FAM135B: variants seen among roughly 807,000 people sequenced by gnomAD.
The protein encoded by FAM135B is family with sequence similarity 135 member B, also known as protein FAM135B.
A neutral mutation model predicts 127.7 loss-of-function variants in FAM135B; 43 were observed. That is an observed-to-expected ratio of 0.34 (90% CI 0.26 to 0.43). FAM135B has a LOEUF of 0.43. FAM135B is among the 20% of genes least tolerant of loss of function. FAM135B has a pLI of 1.00. For synonymous variants in FAM135B, 670 were observed against 665.1 expected (o/e 1.01, Z -0.11); for missense variants, 1,558 against 1,725.6 (o/e 0.90, Z 1.72).
intron 1 of FAM135B, among the ~76,000 whole-genome samples, chr8:138,444,296 C>T (rs530570893): frequency 1.4e-4 from 21 of 152,156 alleles, no homozygotes; most frequent in African/African-American, 4.3e-4. Flanking sequence ...CTGCACCAAG[C>T]GGACCTAATA....
At chr8:138,319,561 A>T (rs1827314438) in intron 2 of FAM135B, among the ~76,000 whole-genome samples, 12 of 152,214 alleles carry the variant, frequency 7.9e-5, no homozygotes. Context: ...GAAAGAAGCT[A>T]GGATGTGGAA....
At chr8:138,461,645 C>CAG (rs1449493484) in intron 1 of FAM135B, among the ~76,000 whole-genome samples, 1 of 152,124 alleles carries the variant, frequency 6.6e-6, no homozygotes, top group African/African-American at 2.4e-5. Context: ...TAACCCTGAA[C>CAG]AGAACACTAT....
At chr8:138,265,579 A>T in intron 4 of FAM135B, 124 bp downstream of exon 4, 1 of 1,062,140 alleles carries the variant, frequency 9.4e-7, no homozygotes, top group Non-Finnish European at 1.4e-6. Context: ...CACTAAAAGC[A>T]CTAATCTCTG....
intron 1 of FAM135B, among the ~76,000 whole-genome samples, chr8:138,453,151 A>G (rs1220843995): frequency 6.6e-6 from 1 of 152,176 alleles, no homozygotes; most frequent in Non-Finnish European, 1.5e-5. Flanking sequence ...GAAAGATGCA[A>G]GTCTGTAAGA....
chr8:138,333,009 G>T (rs573333277), intron 2 of FAM135B, among the ~76,000 whole-genome samples: 2 of 150,944 alleles, frequency 1.3e-5, no homozygotes. Context: ...ACACACACAC[G>T]CTTGTATTTT....
At chr8:138,232,516 G>C (rs1037619881) in intron 7 of FAM135B, among the ~76,000 whole-genome samples, 4 of 152,162 alleles carry the variant, frequency 2.6e-5, no homozygotes, top group African/African-American at 9.6e-5. Flanking sequence ...TTGATGTAAT[G>C]CACCATTTAC....
At position 138,372,645 on chromosome 8, in the gene FAM135B, A is replaced by G. The variant is rs1831209025; in HGVS notation, c.-19-4643T>C. ...TACTGCAATAATTAAAACTATTAAC[A>G]TACATAAGGCACTCAGAATAGAGAC... On this transcript the variant is annotated intron_variant, in intron 1 of 19. Transcript: ENST00000395297. 1.3e-5 allele frequency among the ~76,000 whole-genome samples: 2 copies of G among 152,150 alleles called. 1 individual carries two copies. Among genetic ancestry groups the G allele is most frequent in the South Asian group, 4.1e-4 (2 of 4,822 alleles).
chr8:138,409,911 T>G (rs1333813492), intron 1 of FAM135B, among the ~76,000 whole-genome samples: 1 of 146,296 alleles, frequency 6.8e-6, no homozygotes, highest in Non-Finnish European at 1.5e-5. Context: ...AAGTGATGTA[T>G]GCAAGAAGAG....
chr8:138,465,603 T>A (rs1028958023), intron 1 of FAM135B, among the ~76,000 whole-genome samples: 6 of 151,948 alleles, frequency 3.9e-5, no homozygotes, highest in African/African-American at 1.5e-4. Context: ...CCCAACCCAC[T>A]CTTTGCTTAA....
chr8:138,191,663 T>G (rs1816137248), intron 9 of FAM135B, among the ~76,000 whole-genome samples: 1 of 152,098 alleles, frequency 6.6e-6, no homozygotes, highest in Non-Finnish European at 1.5e-5. Context: ...GTTTGTGAAA[T>G]TAATAAAAAT....
At chr8:138,431,211 C>T (rs989081004) in intron 1 of FAM135B, among the ~76,000 whole-genome samples, 1 of 152,182 alleles carries the variant, frequency 6.6e-6, no homozygotes, top group African/African-American at 2.4e-5. Flanking sequence ...CTCACTCACA[C>T]TTACACACTA....
intron 1 of FAM135B, among the ~76,000 whole-genome samples, chr8:138,410,456 G>A (rs1307013944): frequency 1.4e-4 from 21 of 152,170 alleles, no homozygotes; most frequent in Admixed American, 1.2e-3. Context: ...ATAGCCAAGG[G>A]ACTGAGGGAA....
At chr8:138,134,204 C>T (rs570060943) in intron 19 of FAM135B, among the ~76,000 whole-genome samples, 1 of 152,156 alleles carries the variant, frequency 6.6e-6, no homozygotes, top group Non-Finnish European at 1.5e-5. Flanking sequence ...ATTCTGTGCT[C>T]CTTTAAAATG....
intron 1 of FAM135B, among the ~76,000 whole-genome samples, chr8:138,429,150 T>C (rs995129977): frequency 3.3e-5 from 5 of 152,172 alleles, no homozygotes; most frequent in Admixed American, 6.5e-5. Flanking sequence ...GTTGATGAGG[T>C]CTGGGAAGGT....
chr8:138,389,483 A>G (rs1344763897), intron 1 of FAM135B, among the ~76,000 whole-genome samples: 2 of 152,254 alleles, frequency 1.3e-5, no homozygotes, highest in Non-Finnish European at 2.9e-5. Context: ...GATATTATTC[A>G]GCCATCAAAA....
intron 3 of FAM135B, among the ~76,000 whole-genome samples, chr8:138,277,036 T>A (rs1480844550): frequency 1.3e-5 from 2 of 152,188 alleles, no homozygotes; most frequent in Non-Finnish European, 2.9e-5. Context: ...CTGGTTAAAA[T>A]GAGCAAGGTA....
intron 1 of FAM135B, among the ~76,000 whole-genome samples, chr8:138,418,304 A>G (rs1607557): frequency 0.69 from 104,356 of 152,018 alleles, 36,581 homozygotes; most frequent in African/African-American, 0.81. Flanking sequence ...ATTATGTAAA[A>G]AGACCAAACC....
chr8:138,259,195 T>C (rs1185528830), intron 4 of FAM135B, among the ~76,000 whole-genome samples: 1 of 152,160 alleles, frequency 6.6e-6, no homozygotes, highest in African/African-American at 2.4e-5. Context: ...GTCACATGTG[T>C]GTTCTAGATT....
intron 15 of FAM135B, 90 bp from the exon 16 acceptor site, chr8:138,143,199 G>A (rs1817362292): frequency 1.4e-6 from 1 of 717,226 alleles, no homozygotes; most frequent in South Asian, 1.6e-5. Flanking sequence ...TAAACACTGT[G>A]GCGCCTACTG....
Sources: gnomAD v4.1 joint callset for allele counts (sites outside exome capture counted in the v4.1 genomes callset) on GRCh38, gnomAD v4.1.1 for gene constraint, MANE v1.5 for transcripts, NCBI Gene and HGNC (gene_info 2026-07-23, HGNC 2026-07-21) for gene names.